Variants in RPN2 observed in about 807,000 individuals in gnomAD.
The protein encoded by RPN2 is ribophorin II.
A neutral mutation model predicts 71.4 loss-of-function variants in RPN2; 29 were observed. The observed-to-expected ratio is 0.41, with a 90% CI of 0.30 to 0.55. RPN2 has a LOEUF of 0.55. Ranked by LOEUF, RPN2 falls within the 20% of genes least tolerant of loss-of-function variation. The pLI, the probability that RPN2 is intolerant of heterozygous loss-of-function variation, is 0.35. For missense variants in RPN2, 726 were observed against 774.1 expected, an observed-to-expected ratio of 0.94 and a Z score of 0.74; for synonymous variants, 308 against 305.0, an observed-to-expected ratio of 1.01 and a Z score of -0.10.
Position 37,181,260 on chromosome 20 carries a change from A to G in RPN2, c.13+1891A>G, listed in dbSNP as rs542251545. Among the ~76,000 whole-genome samples the G allele has an allele frequency of 3.3e-5, 5 of 150,574 alleles. No homozygotes were observed. In the South Asian group the frequency reaches 1.1e-3, roughly 32 times the overall value. On this transcript the variant is annotated intron_variant, in intron 1 of 16. Transcript: ENST00000237530. ...AAAAAAGAACTTTCCAGTGGCTTCC[A>G]CTACGGTGGTATACAAGGCCCTCTG...
intron 9 of RPN2, among the ~76,000 whole-genome samples, chr20:37,216,340 A>G (rs1195703529): frequency 1.3e-5 from 2 of 152,236 alleles, no homozygotes; most frequent in African/African-American, 2.4e-5. Flanking sequence ...CTCTGTCTCA[A>G]AAAAATAAAT....
At chr20:37,238,703 T>G in intron 16 of RPN2, 2 of 724,526 alleles carry the variant, frequency 2.8e-6, no homozygotes, top group East Asian at 2.6e-5. Context: ...TTTGACTGTA[T>G]AAGACTTCAT....
At chr20:37,221,312 C>G (rs1436759087) in intron 9 of RPN2, among the ~76,000 whole-genome samples, 1 of 151,498 alleles carries the variant, frequency 6.6e-6, no homozygotes, top group Non-Finnish European at 1.5e-5. Context: ...TTTCCTGTCT[C>G]AGCCTCCTGA....
chr20:37,187,635 A>G (rs373682228), intron 2 of RPN2, among the ~76,000 whole-genome samples: 6 of 146,348 alleles, frequency 4.1e-5, no homozygotes, highest in Admixed American at 1.4e-4. Flanking sequence ...TTTATATTTT[A>G]TTTTGTTTTA....
At chr20:37,222,426 C>T (rs2067981907) in intron 9 of RPN2, among the ~76,000 whole-genome samples, 1 of 152,018 alleles carries the variant, frequency 6.6e-6, no homozygotes, top group Non-Finnish European at 1.5e-5. Flanking sequence ...AACAACACCC[C>T]TATTCAACAT....
intron 11 of RPN2, 79 bp from the exon 12 acceptor site, chr20:37,228,471 C>T: frequency 1.4e-6 from 2 of 1,382,328 alleles, no homozygotes; most frequent in South Asian, 1.2e-5. Flanking sequence ...TAACCGTCTG[C>T]TGCCCGGTGG....
chr20:37,209,753 A>G (rs1040738874), intron 7 of RPN2, among the ~76,000 whole-genome samples: 1 of 152,026 alleles, frequency 6.6e-6, no homozygotes, highest in Non-Finnish European at 1.5e-5. Context: ...AAAGCACTGC[A>G]ATTATAGGCA....
intron 6 of RPN2, 115 bp downstream of exon 6, chr20:37,205,016 C>T (rs2067480804): frequency 2.8e-6 from 4 of 1,446,574 alleles, no homozygotes; most frequent in Non-Finnish European, 3.8e-6. Flanking sequence ...TGCTGTCACT[C>T]AGTGTCCTGG....
chr20:37,220,730 T>C (rs1218840122), intron 9 of RPN2, among the ~76,000 whole-genome samples: 3 of 152,240 alleles, frequency 2.0e-5, no homozygotes, highest in African/African-American at 7.2e-5. Flanking sequence ...CACTGAACTC[T>C]TTAAAAGAGG....
chr20:37,215,848 A>G (rs929360039), intron 9 of RPN2, among the ~76,000 whole-genome samples: 2 of 152,124 alleles, frequency 1.3e-5, no homozygotes, highest in African/African-American at 2.4e-5. Flanking sequence ...CTTTTTATAT[A>G]TTTATTAGCC....
chr20:37,182,162 C>T (rs1197394564), intron 1 of RPN2, among the ~76,000 whole-genome samples: 3 of 151,956 alleles, frequency 2.0e-5, no homozygotes, highest in Non-Finnish European at 2.9e-5. Flanking sequence ...GGTGCGATCT[C>T]GGCTCACTGC....
At chr20:37,234,542 G>A (rs1353166005) in intron 15 of RPN2, among the ~76,000 whole-genome samples, 3 of 152,146 alleles carry the variant, frequency 2.0e-5, no homozygotes, top group East Asian at 3.8e-4. Flanking sequence ...ATCCTGCATC[G>A]TTCTCTGGAG....
At chr20:37,224,720 C>T (rs1188813109) in intron 10 of RPN2, among the ~76,000 whole-genome samples, 1 of 152,162 alleles carries the variant, frequency 6.6e-6, no homozygotes, top group Non-Finnish European at 1.5e-5. Context: ...GGGGTATAGT[C>T]CAGACCCCAA....
intron 2 of RPN2, among the ~76,000 whole-genome samples, chr20:37,197,012 T>A (rs1197124166): frequency 6.6e-6 from 1 of 152,044 alleles, no homozygotes; most frequent in Non-Finnish European, 1.5e-5. Flanking sequence ...TGAGCAGAGT[T>A]GAAGATAGGA....
intron 11 of RPN2, among the ~76,000 whole-genome samples, chr20:37,226,846 C>A (rs764962290): frequency 6.6e-6 from 1 of 152,120 alleles, no homozygotes; most frequent in Non-Finnish European, 1.5e-5. Context: ...TTTAGTGTTA[C>A]GTGAAGGAAG....
intron 2 of RPN2, among the ~76,000 whole-genome samples, chr20:37,192,748 T>C (rs2067170864): frequency 6.6e-6 from 1 of 152,190 alleles, no homozygotes; most frequent in South Asian, 2.1e-4. Context: ...AGATATGTGC[T>C]GTTATAAATA....
intron 2 of RPN2, among the ~76,000 whole-genome samples, chr20:37,192,297 A>C (rs976036442): frequency 6.6e-6 from 1 of 152,216 alleles, no homozygotes; most frequent in Non-Finnish European, 1.5e-5. Flanking sequence ...TTCACGCAGT[A>C]ATCATTTATG....
At chr20:37,184,455 A>G (rs2066962018) in intron 2 of RPN2, 82 bp downstream of exon 2, 1 of 1,204,794 alleles carries the variant, frequency 8.3e-7, no homozygotes, top group African/African-American at 1.5e-5. Flanking sequence ...GGTAGTTCAA[A>G]ACTAACTCTT....
chr20:37,194,347 C>T (rs927806188), intron 2 of RPN2, among the ~76,000 whole-genome samples: 2 of 152,062 alleles, frequency 1.3e-5, no homozygotes, highest in African/African-American at 2.4e-5. Flanking sequence ...CTGCAACCTC[C>T]GCCTCCCAGG....
Sources: allele counts gnomAD v4.1 joint callset (sites outside exome capture counted in the v4.1 genomes callset), GRCh38; gene constraint gnomAD v4.1.1; transcripts MANE v1.5; gene names NCBI Gene and HGNC (gene_info 2026-07-23, HGNC 2026-07-21).